The following AKAP6 variants were observed in gnomAD, a reference collection of about 807,000 sequenced individuals.
AKAP6 encodes the protein A-kinase anchor protein 6.
In AKAP6, 58 loss-of-function variants were observed where a neutral mutation model predicts 188.5. The observed-to-expected ratio is 0.31, with a 90% CI of 0.25 to 0.38. The LOEUF is 0.38. Ranked by LOEUF, AKAP6 falls within the 10% of genes least tolerant of loss-of-function variation. The probability of loss-of-function intolerance (pLI) is 1.00; values close to 1 mark genes in which losing one functional copy is unlikely to be tolerated. For missense variants in AKAP6, 2,710 were observed against 2,740.0 expected (o/e 0.99, Z 0.24); for synonymous variants, 989 against 998.6 (o/e 0.99, Z 0.18).
chr14:32,816,370 T>A (rs2034378083), intron 12 of AKAP6, among the ~76,000 whole-genome samples: 1 of 152,070 alleles, frequency 6.6e-6, no homozygotes, highest in Admixed American at 6.6e-5. Flanking sequence ...TTTTAAAAAA[T>A]TTTTACATTG....
At chr14:32,723,710 T>C (rs1225439172) in intron 9 of AKAP6, among the ~76,000 whole-genome samples, 2 of 152,114 alleles carry the variant, frequency 1.3e-5, no homozygotes, top group Non-Finnish European at 2.9e-5. Context: ...AGGCATATGC[T>C]CTCCCATCCT....
intron 5 of AKAP6, among the ~76,000 whole-genome samples, chr14:32,589,433 A>C (rs974015699): frequency 1.3e-5 from 2 of 152,212 alleles, no homozygotes; most frequent in Non-Finnish European, 2.9e-5. Context: ...AATTTATAGC[A>C]TACAGGCATT....
chr14:32,681,074 T>G (rs951009822), intron 8 of AKAP6, among the ~76,000 whole-genome samples: 1 of 152,212 alleles, frequency 6.6e-6, no homozygotes, highest in Non-Finnish European at 1.5e-5. Context: ...TGAAAGCACT[T>G]ATCAGTTGCC....
rs2033622700 is a variant in AKAP6, at chr14:32,791,955, C to G, written c.3588+18062C>G. ...TAGATGTGTGGTGTTATTTCTGAGG[C>G]CTCTGTTCTTTTCTATTGGTCTATA... On this transcript the variant is annotated intron_variant, in intron 12 of 13. Coordinates refer to ENST00000280979, the MANE Select transcript of AKAP6 (RefSeq NM_004274.5). Among the ~76,000 whole-genome samples the G allele has an allele frequency of 2.6e-5, 4 of 152,082 alleles. No homozygotes were observed. The South Asian group carries it at 8.3e-4, about 32-fold the overall frequency.
chr14:32,731,041 T>C lies in AKAP6; in HGVS notation c.3001-1413T>C, dbSNP rs927928285. Reference sequence around the variant, plus strand: ...CCCTTGATTTTCTCCACTATGCATATTCATGTAATTTTGGATACTCTGACA... The same window carrying C: ...CCCTTGATTTTCTCCACTATGCATACTCATGTAATTTTGGATACTCTGACA... On this transcript the variant is annotated intron_variant, in intron 9 of 13. Transcript: ENST00000280979. Among the ~76,000 whole-genome samples the C allele has an allele frequency of 1.1e-3, 174 of 152,106 alleles. 1 individual carries two copies. The highest frequency in any genetic ancestry group is 4.0e-3 in the African/African-American group (166 of 41,424).
chr14:32,330,857 A>G (rs1267333611), intron 1 of AKAP6, among the ~76,000 whole-genome samples: 3 of 150,678 alleles, frequency 2.0e-5, no homozygotes, highest in Non-Finnish European at 4.4e-5. Context: ...CAGTCCTTTA[A>G]GCTTATGTTT....
intron 7 of AKAP6, among the ~76,000 whole-genome samples, chr14:32,621,112 C>A (rs1309549659): frequency 6.6e-6 from 1 of 151,736 alleles, no homozygotes; most frequent in Non-Finnish European, 1.5e-5. Flanking sequence ...TTTTATTTTT[C>A]TTTTCAAAGA....
intron 2 of AKAP6, among the ~76,000 whole-genome samples, chr14:32,468,823 C>T (rs1878603409): frequency 6.6e-6 from 1 of 152,002 alleles, no homozygotes; most frequent in Non-Finnish European, 1.5e-5. Context: ...TTGGACTTGC[C>T]CCCCTTTGCT....
Position 32,823,267 on chromosome 14 carries a change from G to T in AKAP6, c.5454G>T (p.Arg1818Ser), listed in dbSNP as rs2034580872. ...PKLSLTRDKK[R>S]CNVSDEMKGS... is the part of the protein sequence containing the mutation. ...TGTCTTTGACAAGAGATAAGAAAAG[G>T]TGCAATGTCAGTGATGAGATGAAGG... The change falls in exon 13 of 14, where the codon AGG becomes AGT. Residue 1818 changes from arginine to serine, a missense_variant. Physicochemically the swap from Arg to Ser is moderately radical, Grantham distance 110. Transcript: ENST00000280979. 1 of 1,613,612 alleles carries T rather than the reference G, an allele frequency of 6.2e-7. No homozygotes were observed. The highest frequency in any genetic ancestry group is 2.2e-5 in the East Asian group (1 of 44,870).
At chr14:32,606,931 A>G (rs1467626435) in intron 7 of AKAP6, among the ~76,000 whole-genome samples, 1 of 152,184 alleles carries the variant, frequency 6.6e-6, no homozygotes, top group Non-Finnish European at 1.5e-5. Context: ...TGACTTGGGT[A>G]TATTGCTTAC....
At chr14:32,682,314 C>T (rs956522524) in intron 8 of AKAP6, among the ~76,000 whole-genome samples, 2 of 152,144 alleles carry the variant, frequency 1.3e-5, no homozygotes, top group Non-Finnish European at 2.9e-5. Context: ...TGGCATGAAG[C>T]CGATACTGAT....
intron 5 of AKAP6, among the ~76,000 whole-genome samples, chr14:32,588,054 C>G (rs1307862222): frequency 6.6e-6 from 1 of 152,114 alleles, no homozygotes; most frequent in African/African-American, 2.4e-5. Context: ...GGAAAAAAAT[C>G]AAATTGTGTT....
intron 13 of AKAP6, 23 bp downstream of exon 13, chr14:32,824,838 A>G (rs1339306511): frequency 2.0e-6 from 3 of 1,513,652 alleles, no homozygotes; most frequent in African/African-American, 2.8e-5. Flanking sequence ...CTCATGCCGT[A>G]TATGTATTTA....
intron 9 of AKAP6, 120 bp from the exon 10 acceptor site, chr14:32,732,334 C>T: frequency 9.3e-7 from 1 of 1,077,910 alleles, no homozygotes; most frequent in South Asian, 1.6e-5. Flanking sequence ...TTAGCCTCCC[C>T]ATAAATTTTA....
At chr14:32,700,202 A>G (rs1721583701) in intron 9 of AKAP6, among the ~76,000 whole-genome samples, 1 of 152,156 alleles carries the variant, frequency 6.6e-6, no homozygotes, top group South Asian at 2.1e-4. Flanking sequence ...CTGACATTGT[A>G]GTATGGTGAG....
chr14:32,634,328 A>G (rs1887398330), intron 7 of AKAP6, among the ~76,000 whole-genome samples: 1 of 152,114 alleles, frequency 6.6e-6, no homozygotes, highest in Admixed American at 6.6e-5. Flanking sequence ...GTAAATGCTC[A>G]AGAAGTGATA....
At chr14:32,383,452 C>T (rs967944454) in intron 1 of AKAP6, among the ~76,000 whole-genome samples, 14 of 152,116 alleles carry the variant, frequency 9.2e-5, no homozygotes, top group South Asian at 2.1e-4. Context: ...AAACCTGTAA[C>T]GTGTCACATA....
At chr14:32,337,267 A>G (rs1488847322) in intron 1 of AKAP6, among the ~76,000 whole-genome samples, 2 of 152,192 alleles carry the variant, frequency 1.3e-5, no homozygotes, top group South Asian at 2.1e-4. Context: ...TTAAAAGTAA[A>G]TAAGAATAAG....
chr14:32,737,033 C>T (rs1481935810), intron 11 of AKAP6, among the ~76,000 whole-genome samples: 5 of 152,174 alleles, frequency 3.3e-5, no homozygotes, highest in African/African-American at 1.2e-4. Context: ...GGTCTAAAAT[C>T]TAATACCCAG....
Sources: allele counts gnomAD v4.1 joint callset (sites outside exome capture counted in the v4.1 genomes callset), GRCh38; gene constraint gnomAD v4.1.1; transcripts MANE v1.5; gene names NCBI Gene and HGNC (gene_info 2026-07-23, HGNC 2026-07-21).